The following PYGO1 variants were observed in gnomAD, a reference collection of about 807,000 sequenced individuals.
PYGO1 encodes the protein pygopus family PHD finger 1.
In PYGO1, 6 loss-of-function variants were observed where a neutral mutation model predicts 29.5. The ratio of observed to expected loss-of-function variants is 0.20; its 90% CI spans 0.11 to 0.40. PYGO1 has a LOEUF of 0.40. Among genes scored for constraint, PYGO1 ranks in the 10% least tolerant of loss-of-function variants. The pLI is 1.00. For synonymous variants in PYGO1, 186 were observed against 180.5 expected, an observed-to-expected ratio of 1.03 and a Z score of -0.24; for missense variants, 515 against 514.9, an observed-to-expected ratio of 1.00 and a Z score of 0.00.
intron 2 of PYGO1, 55 bp downstream of exon 2, chr15:55,548,855 T>C (rs2058865710): frequency 6.9e-7 from 1 of 1,446,180 alleles, no homozygotes; most frequent in African/African-American, 1.4e-5. Flanking sequence ...ATTTACCTCA[T>C]CAGCCTGACC....
Position 55,546,074 on chromosome 15 carries a change from T to G in PYGO1, c.1209A>C (p.Leu403Phe). The stretch of plus-strand genomic sequence containing the variant: ...GACCAAAAGTTTCTCTAGTACGCAT[T>G]AACTGGACATCTTTGTCAGCCATAC... Reference protein sequence around the residue: ...DTCMADKDVQLMRTRETFGPS... With the variant: ...DTCMADKDVQFMRTRETFGPS... The change falls in exon 3 of 3, where the codon TTA (leucine) becomes TTC (phenylalanine). Residue 403 changes from leucine to phenylalanine, a missense_variant. Transcript: ENST00000563719. 1 of 1,614,130 alleles carries G rather than the reference T, an allele frequency of 6.2e-7. No individual in the cohort carries two copies. Among genetic ancestry groups the G allele is most frequent in the Non-Finnish European group, 8.5e-7 (1 of 1,180,008 alleles).
At chr15:55,568,744 A>G (rs1303802318) in intron 1 of PYGO1, among the ~76,000 whole-genome samples, 1 of 151,998 alleles carries the variant, frequency 6.6e-6, no homozygotes, top group African/African-American at 2.4e-5. Flanking sequence ...GAGGGCTCTT[A>G]TTATTTGGAA....
At chr15:55,568,767 G>A (rs1007653317) in intron 1 of PYGO1, among the ~76,000 whole-genome samples, 3 of 152,028 alleles carry the variant, frequency 2.0e-5, no homozygotes, top group Admixed American at 1.3e-4. Flanking sequence ...ATGTTCGTTC[G>A]ATGCCTAGTT....
At chr15:55,578,416 A>G (rs1423482057) in intron 1 of PYGO1, among the ~76,000 whole-genome samples, 1 of 152,086 alleles carries the variant, frequency 6.6e-6, no homozygotes, top group East Asian at 1.9e-4. Context: ...TTTTATGTTT[A>G]ACTCTGAGAA....
At chr15:55,566,450 T>C (rs917233464) in intron 1 of PYGO1, among the ~76,000 whole-genome samples, 2 of 152,106 alleles carry the variant, frequency 1.3e-5, no homozygotes, top group African/African-American at 2.4e-5. Context: ...GGTGTGTATG[T>C]ACCACATAGT....
At chr15:55,579,209 T>C (rs769935896) in intron 1 of PYGO1, among the ~76,000 whole-genome samples, 2 of 152,224 alleles carry the variant, frequency 1.3e-5, no homozygotes, top group Non-Finnish European at 2.9e-5. Context: ...CATGCAGTTT[T>C]TCTATAACAC....
chr15:55,549,181 A>G (rs2058867838), intron 1 of PYGO1, among the ~76,000 whole-genome samples, 186 bp from the exon 2 acceptor site: 2 of 152,130 alleles, frequency 1.3e-5, no homozygotes, highest in African/African-American at 4.8e-5. Flanking sequence ...ATAGCCATTC[A>G]TCCCTGCTCC....
chr15:55,571,480 G>A (rs1212632371), intron 1 of PYGO1, among the ~76,000 whole-genome samples: 1 of 152,160 alleles, frequency 6.6e-6, no homozygotes, highest in Non-Finnish European at 1.5e-5. Context: ...GATCTGGTAG[G>A]AGGTAACTGA....
chr15:55,579,692 TAA>T (rs1400976912), intron 1 of PYGO1, among the ~76,000 whole-genome samples: 2 of 152,096 alleles, frequency 1.3e-5, no homozygotes, highest in East Asian at 3.8e-4. Flanking sequence ...ACAGCATTCT[TAA>T]GACTACTGAA....
At chr15:55,557,183 T>C (rs2058909950) in intron 1 of PYGO1, among the ~76,000 whole-genome samples, 1 of 151,952 alleles carries the variant, frequency 6.6e-6, no homozygotes, top group South Asian at 2.1e-4. Flanking sequence ...CCCACAGAAA[T>C]ACAAACTACC....
In PYGO1 at chr15:55,549,007, AAAAT is replaced by A. The variant is rs1387940775; in HGVS notation, c.50-16_50-13del. On this transcript the variant is annotated splice_polypyrimidine_tract_variant and intron_variant, in intron 1 of 2. Coordinates refer to ENST00000563719, the MANE Select transcript of PYGO1 (RefSeq NM_001367806.1). ...TCCACTATCACCACCTAAAAAAAAAAAAATTCAGGTAATATTTCCCACTTGTAAG... is the reference window on the plus strand; with the variant it reads ...TCCACTATCACCACCTAAAAAAAAAATCAGGTAATATTTCCCACTTGTAAG... 6.3e-7 allele frequency: 1 copy of A among 1,593,430 alleles called. No homozygotes were observed. Among genetic ancestry groups the A allele is most frequent in the Non-Finnish European group, 8.5e-7 (1 of 1,171,680 alleles).
chr15:55,587,702 C>T (rs1449254484), intron 1 of PYGO1, 133 bp downstream of exon 1: 5 of 1,184,626 alleles, frequency 4.2e-6, no homozygotes, highest in African/African-American at 3.2e-5. Flanking sequence ...GCCTCGGCCC[C>T]GGGGTGCCGG....
chr15:55,561,873 A>G (rs1488154293), intron 1 of PYGO1, among the ~76,000 whole-genome samples: 1 of 152,214 alleles, frequency 6.6e-6, no homozygotes, highest in African/African-American at 2.4e-5. Flanking sequence ...TAAACTAAAG[A>G]GCTTCTGCAC....
intron 1 of PYGO1, among the ~76,000 whole-genome samples, chr15:55,555,469 T>C (rs1464401764): frequency 1.5e-5 from 2 of 136,382 alleles, no homozygotes; most frequent in African/African-American, 5.6e-5. Context: ...GCTAACATCA[T>C]GATGACAGGA....
intron 1 of PYGO1, among the ~76,000 whole-genome samples, chr15:55,573,368 G>A (rs1373653562): frequency 6.6e-6 from 1 of 152,116 alleles, no homozygotes; most frequent in Non-Finnish European, 1.5e-5. Context: ...GTGGAGGAAA[G>A]GGAAGCCTCA....
intron 1 of PYGO1, among the ~76,000 whole-genome samples, chr15:55,560,564 T>A (rs1194833246): frequency 2.0e-5 from 3 of 152,218 alleles, no homozygotes; most frequent in African/African-American, 7.2e-5. Flanking sequence ...TCCATCCTCA[T>A]GGATAGGAAG....
intron 1 of PYGO1, among the ~76,000 whole-genome samples, chr15:55,586,438 T>C (rs1041582059): frequency 6.6e-6 from 1 of 152,216 alleles, no homozygotes; most frequent in African/African-American, 2.4e-5. Context: ...ACAATCATCC[T>C]ATAGCCGGCA....
intron 1 of PYGO1, 138 bp downstream of exon 1, chr15:55,587,697 G>C: frequency 8.5e-7 from 1 of 1,173,254 alleles, no homozygotes; most frequent in Non-Finnish European, 1.1e-6. Flanking sequence ...TCGCAGCCTC[G>C]GCCCCGGGGT....
chr15:55,539,689 A>T lies in PYGO1; in HGVS notation c.*6334T>A, dbSNP rs1331184042. On this transcript the variant is annotated 3_prime_UTR_variant, in exon 3 of 3. Coordinates refer to ENST00000563719, the MANE Select transcript of PYGO1 (RefSeq NM_001367806.1). ...TCAAGTCAAATATAATAGGATTATG[A>T]TACAGTATGGTATCTAGCGTTTTAA... 2 of 152,210 alleles carry T rather than the reference A, an allele frequency of 1.3e-5. No homozygotes were observed. Among genetic ancestry groups the T allele is most frequent in the East Asian group, 3.9e-4 (2 of 5,192 alleles). The allele number at this position is 152,210 out of a possible 1,614,324, so 9.4% of individuals were successfully genotyped here.
Sources: allele counts gnomAD v4.1 joint callset (sites outside exome capture counted in the v4.1 genomes callset), GRCh38; gene constraint gnomAD v4.1.1; transcripts MANE v1.5; gene names NCBI Gene and HGNC (gene_info 2026-07-23, HGNC 2026-07-21).